LSAMP: variants seen among roughly 807,000 people sequenced by gnomAD.
LSAMP encodes the protein limbic system associated membrane protein.
In LSAMP, 7 loss-of-function variants were observed where a neutral mutation model predicts 38.6. That is an observed-to-expected ratio of 0.18 (90% CI 0.10 to 0.34). The LOEUF is 0.34. LSAMP is among the 10% of genes least tolerant of loss of function. LSAMP has a pLI of 1.00. For missense variants in LSAMP, 313 were observed against 420.0 expected (o/e 0.75, Z 2.23); for synonymous variants, 154 against 166.8 (o/e 0.92, Z 0.59).
chr3:116,106,846 G>T (rs893388136), intron 1 of LSAMP, among the ~76,000 whole-genome samples: 2 of 152,118 alleles, frequency 1.3e-5, no homozygotes, highest in African/African-American at 4.8e-5. Context: ...AGTCCTGGGT[G>T]GGGGCAAATC....
At chr3:115,812,623 G>GT (rs1353322103) in intron 6 of LSAMP, among the ~76,000 whole-genome samples, 2 of 152,120 alleles carry the variant, frequency 1.3e-5, no homozygotes, top group African/African-American at 4.8e-5. Flanking sequence ...TCCTTGGCAT[G>GT]TTTGGTTGTA....
At chr3:116,252,732 TA>T (rs1288395523) in intron 1 of LSAMP, among the ~76,000 whole-genome samples, 1 of 152,246 alleles carries the variant, frequency 6.6e-6, no homozygotes, top group African/African-American at 2.4e-5. Context: ...AATGTCTACT[TA>T]ACAGGCATTC....
intron 3 of LSAMP, among the ~76,000 whole-genome samples, chr3:115,869,897 A>AT (rs1275111610): frequency 6.6e-6 from 1 of 151,906 alleles, no homozygotes; most frequent in South Asian, 2.1e-4. Context: ...ATTGTTGTTT[A>AT]TTTTTTCCCA....
chr3:116,037,398 G>A (rs1941070068), intron 2 of LSAMP, among the ~76,000 whole-genome samples: 1 of 152,048 alleles, frequency 6.6e-6, no homozygotes, highest in Non-Finnish European at 1.5e-5. Context: ...TTATCTAAGA[G>A]CAGTCCCATT....
chr3:115,995,341 G>A lies in LSAMP; in HGVS notation c.514+24174C>T, dbSNP rs111906971. ...GGCCAGTACTGATCCCAGACAAGGG[G>A]GGCTTTTTCCTCTTGTTTAATTTAG... On this transcript the variant is annotated intron_variant, in intron 3 of 6. Coordinates refer to ENST00000490035, the MANE Select transcript of LSAMP (RefSeq NM_002338.5). Among the ~76,000 whole-genome samples the A allele has an allele frequency of 2.5e-3, 375 of 152,072 alleles. 1 individual carries two copies. The highest frequency in any genetic ancestry group is 3.5e-3 in the Admixed American group (54 of 15,228).
chr3:116,413,300 AAAG>A (rs142195904), intron 1 of LSAMP, among the ~76,000 whole-genome samples: 16 of 152,196 alleles, frequency 1.1e-4, no homozygotes, highest in Non-Finnish European at 2.1e-4. Context: ...AGGTTATTCA[AAAG>A]AATAAGCTAC....
chr3:116,271,737 C>T (rs60096437), intron 1 of LSAMP, among the ~76,000 whole-genome samples: 7 of 152,004 alleles, frequency 4.6e-5, no homozygotes, highest in East Asian at 3.9e-4. Context: ...AACGTGCTGA[C>T]GGATAGTGTG....
At chr3:115,982,888 G>A (rs999455368) in intron 3 of LSAMP, among the ~76,000 whole-genome samples, 5 of 145,004 alleles carry the variant, frequency 3.4e-5, no homozygotes, top group Admixed American at 6.9e-5. Flanking sequence ...TGGGTGCACC[G>A]TTATCTCTTT....
At position 116,143,669 on chromosome 3, in the gene LSAMP, T is replaced by C. The variant is rs370526881; in HGVS notation, c.156-57113A>G. On this transcript the variant is annotated intron_variant, in intron 1 of 6. Coordinates refer to ENST00000490035, the MANE Select transcript of LSAMP (RefSeq NM_002338.5). ...ACCTAGCAGTGATTTTCCTGCCTTG[T>C]CTTTGTTTTACTTGATTATTCATTG... Among the ~76,000 whole-genome samples, 10 of 152,118 alleles carry C rather than the reference T, an allele frequency of 6.6e-5. No individual in the cohort carries two copies. In the East Asian group the frequency reaches 7.8e-4, roughly 12 times the overall value.
chr3:116,224,942 A>G (rs967067637), intron 1 of LSAMP, among the ~76,000 whole-genome samples: 8 of 152,248 alleles, frequency 5.3e-5, no homozygotes, highest in African/African-American at 1.7e-4. Flanking sequence ...AAAATAATGA[A>G]TCTACATATT....
chr3:116,273,423 C>T (rs140300959), intron 1 of LSAMP, among the ~76,000 whole-genome samples: 4 of 151,764 alleles, frequency 2.6e-5, no homozygotes, highest in Admixed American at 6.6e-5. Context: ...CATAATTACA[C>T]ATCAATCAAT....
At chr3:116,159,976 A>G (rs1433750868) in intron 1 of LSAMP, among the ~76,000 whole-genome samples, 1 of 152,218 alleles carries the variant, frequency 6.6e-6, no homozygotes, top group East Asian at 1.9e-4. Flanking sequence ...CTCACACAGG[A>G]CAGAAAACAA....
chr3:116,056,952 G>A (rs1056456699), intron 2 of LSAMP, among the ~76,000 whole-genome samples: 1 of 152,092 alleles, frequency 6.6e-6, no homozygotes, highest in South Asian at 2.1e-4. Context: ...CAAAAAAAAT[G>A]GCCTGGTGTG....
Position 115,993,659 on chromosome 3 carries a change from C to T in LSAMP, c.514+25856G>A, listed in dbSNP as rs114055133. Among the ~76,000 whole-genome samples, 917 of 152,056 alleles carry T rather than the reference C, an allele frequency of 6.0e-3. 10 individuals are homozygous for T. The highest frequency in any genetic ancestry group is 0.021 in the African/African-American group (876 of 41,478). On this transcript the variant is annotated intron_variant, in intron 3 of 6. Transcript: ENST00000490035. ...TAGACTTGAACATACATATTTTAAA[C>T]CTTTTGCCCTCAAAATTATGACATC...
intron 1 of LSAMP, among the ~76,000 whole-genome samples, chr3:116,220,886 G>A (rs899427255): frequency 2.0e-5 from 3 of 152,178 alleles, no homozygotes; most frequent in Non-Finnish European, 2.9e-5. Context: ...TGGGCGCAGT[G>A]GCTCACGCCT....
At chr3:115,882,395 G>A (rs1576181383) in intron 3 of LSAMP, among the ~76,000 whole-genome samples, 1 of 151,988 alleles carries the variant, frequency 6.6e-6, no homozygotes, top group East Asian at 1.9e-4. Context: ...CTTCATTCAA[G>A]GGCTTGAGGT....
intron 3 of LSAMP, among the ~76,000 whole-genome samples, chr3:115,952,672 T>C (rs1938329788): frequency 6.6e-6 from 1 of 152,136 alleles, no homozygotes; most frequent in African/African-American, 2.4e-5. Context: ...ACTGAAGAAC[T>C]TATCCATGTA....
intron 1 of LSAMP, among the ~76,000 whole-genome samples, chr3:116,094,041 A>G (rs940451485): frequency 2.0e-5 from 3 of 152,222 alleles, no homozygotes; most frequent in African/African-American, 7.2e-5. Flanking sequence ...AGAAGTCCTT[A>G]GTCTGGTTTT....
intron 3 of LSAMP, among the ~76,000 whole-genome samples, chr3:115,976,134 G>T (rs1939181419): frequency 6.6e-6 from 1 of 152,046 alleles, no homozygotes; most frequent in Non-Finnish European, 1.5e-5. Flanking sequence ...TGTTCTATTT[G>T]TGGCTGCATG....
Sources: allele counts gnomAD v4.1 joint callset (sites outside exome capture counted in the v4.1 genomes callset), GRCh38; gene constraint gnomAD v4.1.1; transcripts MANE v1.5; gene names NCBI Gene and HGNC (gene_info 2026-07-23, HGNC 2026-07-21).